Variants in RAP1GAP2 observed in about 807,000 individuals in gnomAD.
RAP1GAP2 encodes RAP1 GTPase activating protein 2.
A neutral mutation model predicts 95.0 loss-of-function variants in RAP1GAP2; 27 were observed. That is an observed-to-expected ratio of 0.28 (90% CI 0.21 to 0.39). The LOEUF (loss-of-function observed/expected upper bound fraction) is 0.39. RAP1GAP2 is among the 10% of genes least tolerant of loss of function. RAP1GAP2 has a pLI of 1.00. For missense variants in RAP1GAP2, 771 were observed against 970.0 expected (o/e 0.79, Z 2.72); for synonymous variants, 373 against 380.9 (o/e 0.98, Z 0.24).
At chr17:2,826,412 T>C (rs1473233721) in intron 2 of RAP1GAP2, among the ~76,000 whole-genome samples, 4 of 151,882 alleles carry the variant, frequency 2.6e-5, no homozygotes, top group Non-Finnish European at 5.9e-5. Flanking sequence ...TGGAGGGACA[T>C]GGCAGGAAAC....
upstream of RAP1GAP2, among the ~76,000 whole-genome samples, chr17:2,773,350 C>T (rs2068434453): frequency 6.6e-6 from 1 of 152,206 alleles, no homozygotes; most frequent in African/African-American, 2.4e-5. Context: ...GTTTTCTAGA[C>T]TCAAAATTAG....
At chr17:2,987,270 C>A (rs548372775) in intron 11 of RAP1GAP2, among the ~76,000 whole-genome samples, 1 of 152,274 alleles carries the variant, frequency 6.6e-6, no homozygotes, top group African/African-American at 2.4e-5. Context: ...TTTGTTGCAC[C>A]CTATGCCACT....
At chr17:2,758,115 C>G (rs368811163) in intron 1 of RAP1GAP2, among the ~76,000 whole-genome samples, 1 of 150,686 alleles carries the variant, frequency 6.6e-6, no homozygotes, top group African/African-American at 2.4e-5. Flanking sequence ...ATGATCCGCC[C>G]GCCTTGGCCT....
At chr17:2,927,403 T>G (rs1270263506) in intron 3 of RAP1GAP2, among the ~76,000 whole-genome samples, 1 of 152,176 alleles carries the variant, frequency 6.6e-6, no homozygotes, top group Non-Finnish European at 1.5e-5. Flanking sequence ...TCCGCCCGCC[T>G]TGGCCTCCCA....
At chr17:3,022,347 A>T (rs2046989436) in intron 19 of RAP1GAP2, among the ~76,000 whole-genome samples, 1 of 152,240 alleles carries the variant, frequency 6.6e-6, no homozygotes, top group Non-Finnish European at 1.5e-5. Flanking sequence ...TTTGGAAAAC[A>T]GTCTGGCAGT....
chr17:2,875,105 C>T (rs372469125), intron 2 of RAP1GAP2, among the ~76,000 whole-genome samples: 6 of 152,138 alleles, frequency 3.9e-5, no homozygotes, highest in East Asian at 3.9e-4. Flanking sequence ...TTGCTCTTGA[C>T]GCCCAGGCTA....
At chr17:2,925,839 G>A (rs2042939179) in intron 3 of RAP1GAP2, among the ~76,000 whole-genome samples, 1 of 152,114 alleles carries the variant, frequency 6.6e-6, no homozygotes, top group Non-Finnish European at 1.5e-5. Flanking sequence ...GGTCCGGGCC[G>A]GGTTAGGAAC....
intron 11 of RAP1GAP2, among the ~76,000 whole-genome samples, chr17:2,985,350 C>A (rs1186445198): frequency 6.6e-6 from 1 of 151,844 alleles, no homozygotes; most frequent in East Asian, 1.9e-4. Context: ...TTATGGGCTG[C>A]TGGTTATAAG....
chr17:2,779,860 G>A (rs1471192784), intron 1 of RAP1GAP2, among the ~76,000 whole-genome samples: 1 of 151,982 alleles, frequency 6.6e-6, no homozygotes, highest in African/African-American at 2.4e-5. Flanking sequence ...GCATGGAAGA[G>A]ACAGGGACAG....
intron 11 of RAP1GAP2, among the ~76,000 whole-genome samples, chr17:2,987,524 G>A (rs2045597731): frequency 6.6e-6 from 1 of 152,000 alleles, no homozygotes; most frequent in African/African-American, 2.4e-5. Flanking sequence ...ACCACGCCCA[G>A]CTAATTTTGT....
intron 2 of RAP1GAP2, among the ~76,000 whole-genome samples, chr17:2,896,724 CT>C (rs1280589477): frequency 6.6e-6 from 1 of 152,202 alleles, no homozygotes; most frequent in Non-Finnish European, 1.5e-5. Context: ...CCGTAGGGTC[CT>C]GTTCCTCCCG....
rs991335888 is a variant in RAP1GAP2, at chr17:3,020,494, A to G, written c.1650A>G (p.Ala550=). 2 of 1,613,626 alleles carry G rather than the reference A, an allele frequency of 1.2e-6. No individual in the cohort carries two copies. The highest frequency in any genetic ancestry group is 2.7e-5 in the African/African-American group (2 of 74,932). The change falls in exon 19 of 25, where the codon GCA becomes GCG. Residue 550 remains alanine, a synonymous_variant. Coordinates refer to ENST00000254695, the MANE Select transcript of RAP1GAP2 (RefSeq NM_015085.5). ...KTTFSPPVVA[A]TVKNQSRSPI... ...ATCGACAGCCTCCAGTGGTGGCGGC[A>G]ACGGTGAAGAACCAGTCACGGAGTC...
chr17:2,867,560 A>G lies in RAP1GAP2; in HGVS notation c.81-37724A>G, dbSNP rs1044914693. On this transcript the variant is annotated intron_variant, in intron 2 of 24. Transcript: ENST00000254695. The surrounding 1 kb of genome is among the most constrained non-coding windows in gnomAD (Gnocchi z 4.5). The stretch of plus-strand genomic sequence containing the variant: ...ATGTCCCAGGGATGGCTCACCCTGG[A>G]CAGAAAGTGAGTCACATACGCATCC... Among the ~76,000 whole-genome samples the G allele has an allele frequency of 2.0e-5, 3 of 152,164 alleles. No individual in the cohort carries two copies. Among genetic ancestry groups the G allele is most frequent in the Non-Finnish European group, 4.4e-5 (3 of 68,028 alleles).
intron 3 of RAP1GAP2, among the ~76,000 whole-genome samples, chr17:2,935,098 A>G (rs894797936): frequency 2.0e-5 from 3 of 152,148 alleles, no homozygotes; most frequent in Non-Finnish European, 4.4e-5. Flanking sequence ...GAGGCTGACT[A>G]TGGGTTTGCA....
At chr17:2,929,531 G>C (rs2043075120) in intron 3 of RAP1GAP2, among the ~76,000 whole-genome samples, 1 of 152,194 alleles carries the variant, frequency 6.6e-6, no homozygotes, top group South Asian at 2.1e-4. Context: ...TGGTGAGCTG[G>C]TTCCTGGTAA....
chr17:2,778,745 G>C (rs1223816726), intron 1 of RAP1GAP2, among the ~76,000 whole-genome samples: 4 of 152,208 alleles, frequency 2.6e-5, no homozygotes, highest in Non-Finnish European at 5.9e-5. Context: ...GAGCCCGAGA[G>C]AAAGGCTTGC....
intron 2 of RAP1GAP2, among the ~76,000 whole-genome samples, chr17:2,884,505 T>G (rs1206865725): frequency 1.3e-5 from 2 of 151,390 alleles, no homozygotes; most frequent in Admixed American, 6.6e-5. Context: ...CCCAAGTAGC[T>G]GGGACTACAG....
intron 1 of RAP1GAP2, among the ~76,000 whole-genome samples, chr17:2,784,106 G>A (rs1160295830): frequency 5.9e-5 from 9 of 151,994 alleles, no homozygotes. Flanking sequence ...CCAAGTAGCT[G>A]AGACTACAGG....
chr17:2,854,676 T>C (rs991955728), intron 2 of RAP1GAP2, among the ~76,000 whole-genome samples: 4 of 152,380 alleles, frequency 2.6e-5, no homozygotes, highest in Middle Eastern at 3.4e-3. Context: ...TAGTTTTCTT[T>C]AGCTATTTCA....
Sources: allele counts gnomAD v4.1 joint callset (sites outside exome capture counted in the v4.1 genomes callset), GRCh38; gene constraint gnomAD v4.1.1; non-coding constraint Gnocchi (gnomAD v3.1); transcripts MANE v1.5; gene names NCBI Gene and HGNC (gene_info 2026-07-23, HGNC 2026-07-21).